RNF32: variants seen among roughly 807,000 people sequenced by gnomAD.
RNF32 encodes the protein ring finger protein 32.
A neutral mutation model predicts 41.0 loss-of-function variants in RNF32; 36 were observed. That is an observed-to-expected ratio of 0.88 (90% CI 0.67 to 1.16). RNF32 has a LOEUF of 1.16. Ranked by LOEUF, RNF32 falls within the 50% of genes most tolerant of loss-of-function variation. The pLI is 0.00. For missense variants in RNF32, 413 were observed against 436.7 expected, an observed-to-expected ratio of 0.95 and a Z score of 0.48; for synonymous variants, 154 against 160.9, an observed-to-expected ratio of 0.96 and a Z score of 0.32.
At chr7:156,651,288 A>G (rs148818849) in intron 3 of RNF32, among the ~76,000 whole-genome samples, 4,394 of 147,702 alleles carry the variant, frequency 0.03, 203 homozygotes, top group East Asian at 0.12. Context: ...ATCTCGGCTC[A>G]CTGCAACCTC....
chr7:156,666,129 A>G (rs1458269876), intron 7 of RNF32, among the ~76,000 whole-genome samples: 1 of 152,208 alleles, frequency 6.6e-6, no homozygotes, highest in African/African-American at 2.4e-5. Flanking sequence ...TAATAGTTTG[A>G]TATTTTTAGA....
intron 1 of RNF32, among the ~76,000 whole-genome samples, chr7:156,642,580 G>A (rs1797496804): frequency 1.3e-5 from 2 of 152,202 alleles, no homozygotes; most frequent in Admixed American, 1.3e-4. Context: ...GTTTTTATTT[G>A]ACAATAATTT....
intron 1 of RNF32, chr7:156,642,854 C>G (rs574723649): frequency 6.6e-6 from 1 of 152,342 alleles, no homozygotes; most frequent in Admixed American, 6.5e-5. Flanking sequence ...GTGGCCCCTG[C>G]TGGGGATCAA....
rs963815270 is a variant in RNF32 at position 156,660,385 on chromosome 7, G to A, written c.684+1815G>A. On this transcript the variant is annotated intron_variant, in intron 7 of 8. Coordinates refer to ENST00000317955, the MANE Select transcript of RNF32 (RefSeq NM_030936.4). ...TTACAAATGTGGTTTTTCCTTTGGG[G>A]CTTTTAAGATGATCTCAGATGATTT... 4.3e-5 allele frequency: 31 copies of A among 721,748 alleles called. No individual in the cohort carries two copies. In the African/African-American group the frequency reaches 6.0e-4, roughly 14 times the overall value. 44.7% of individuals were successfully genotyped at this position (721,748 alleles called of 1,614,324 possible). A position where few individuals can be genotyped will look rare whatever the true frequency, so the allele number is the denominator to read the frequency against.
intron 7 of RNF32, among the ~76,000 whole-genome samples, chr7:156,675,160 A>G (rs1275314308): frequency 6.6e-6 from 1 of 152,252 alleles, no homozygotes; most frequent in Non-Finnish European, 1.5e-5. Flanking sequence ...CGGAGACCCG[A>G]AGAGACAGTA....
intron 7 of RNF32, among the ~76,000 whole-genome samples, chr7:156,675,068 T>A (rs993543767): frequency 1.1e-4 from 17 of 152,190 alleles, no homozygotes; most frequent in Non-Finnish European, 1.2e-4. Flanking sequence ...AAGTCCCATG[T>A]GGTATGGAAG....
intron 7 of RNF32, among the ~76,000 whole-genome samples, chr7:156,666,278 G>A (rs1801327503): frequency 6.6e-6 from 1 of 152,142 alleles, no homozygotes; most frequent in South Asian, 2.1e-4. Flanking sequence ...GTCGAACTTT[G>A]TTCCTACATT....
chr7:156,649,663 T>C (rs548252665), intron 3 of RNF32, among the ~76,000 whole-genome samples: 1 of 152,364 alleles, frequency 6.6e-6, no homozygotes, highest in South Asian at 2.1e-4. Context: ...TGCAACTTTT[T>C]AGATGAGCGT....
rs199567420 is a variant in RNF32 at position 156,676,644 on chromosome 7, C to T, written c.1078C>T (p.Leu360Phe). 8.7e-6 allele frequency: 14 copies of T among 1,613,150 alleles called. No individual in the cohort carries two copies. The African/African-American group carries it at 1.5e-4, about 17-fold the overall frequency. The part of the protein sequence containing the change: ...LCRSCYQKKI[L>F]EC The stretch of plus-strand genomic sequence containing the variant: ...CCGCTCCTGCTACCAGAAGAAGATT[C>T]TTGAATGTTGAATTCATAGTCAAGG... Residue 360 changes from leucine (L) to phenylalanine (F), a missense_variant, in exon 9 of 9, where the codon CTT becomes TTT. By Grantham distance (22) the Leu-to-Phe change is conservative. Coordinates refer to ENST00000317955, the MANE Select transcript of RNF32 (RefSeq NM_030936.4).
chr7:156,647,131 C>G (rs1182344643), intron 3 of RNF32, among the ~76,000 whole-genome samples: 1 of 152,062 alleles, frequency 6.6e-6, no homozygotes, highest in Non-Finnish European at 1.5e-5. Flanking sequence ...GGATTAAAGG[C>G]GTGAGTCACC....
At chr7:156,659,436 T>C (rs1029924313) in intron 7 of RNF32, 3 of 985,558 alleles carry the variant, frequency 3.0e-6, no homozygotes, top group Non-Finnish European at 3.6e-6. Context: ...CCATGCACGA[T>C]TGCGTCATCC....
chr7:156,668,977 C>T (rs563687596), intron 7 of RNF32: 4 of 152,268 alleles, frequency 2.6e-5, no homozygotes, highest in African/African-American at 9.6e-5. Context: ...TTTAATTCCT[C>T]TTAAGGAAGA....
chr7:156,650,225 C>T (rs1798538113), intron 3 of RNF32, among the ~76,000 whole-genome samples: 2 of 152,204 alleles, frequency 1.3e-5, no homozygotes, highest in South Asian at 4.1e-4. Context: ...CTGCCCCGTG[C>T]ATGGACACAA....
intron 3 of RNF32, among the ~76,000 whole-genome samples, chr7:156,648,621 G>A (rs1165970416): frequency 6.6e-6 from 1 of 152,172 alleles, no homozygotes; most frequent in Non-Finnish European, 1.5e-5. Flanking sequence ...AATCTTGATT[G>A]TGCGTATTAG....
In RNF32 at chr7:156,644,688, C is replaced by A; in HGVS notation, c.205C>A (p.Gln69Lys). ...AGATACTGGACTTAAAAAAACTACA[C>A]AGTGCCCCAAACTAGAAGACTCAGA... The part of the protein sequence containing the change: ...IIDTGLKKTT[Q>K]CPKLEDSEKE... The change falls in exon 3 of 9, where the codon CAG becomes AAG. Residue 69 changes from glutamine (Q) to lysine (K), a missense_variant. Physicochemically the swap from Gln to Lys is moderately conservative, Grantham distance 53. Transcript: ENST00000317955. The A allele has an allele frequency of 6.2e-7, 1 of 1,613,294 alleles. No individual in the cohort carries two copies. Among genetic ancestry groups the A allele is most frequent in the Admixed American group, 1.7e-5 (1 of 59,854 alleles).
Position 156,644,587 on chromosome 7 carries a change from C to T in RNF32, c.104C>T (p.Ser35Leu), listed in dbSNP as rs2131338758. ...ILHDLQLRNL[S>L]VADHSKTQVQ... ...CATGATCTTCAACTTCGAAATCTTT[C>T]AGTTGCAGATCATTCTAAGACACAA... Residue 35 changes from serine (S) to leucine (L), a missense_variant, in exon 3 of 9, where the codon TCA (serine) becomes TTA (leucine). Physicochemically the swap from Ser to Leu is moderately radical, Grantham distance 145 (BLOSUM62 -2). Coordinates refer to ENST00000317955, the MANE Select transcript of RNF32 (RefSeq NM_030936.4). 1 of 1,612,674 alleles carries T rather than the reference C, an allele frequency of 6.2e-7. No homozygotes were observed. Among genetic ancestry groups the T allele is most frequent in the Non-Finnish European group, 8.5e-7 (1 of 1,178,832 alleles).
At chr7:156,667,414 CTTAT>C (rs1390352857) in intron 7 of RNF32, among the ~76,000 whole-genome samples, 7 of 152,226 alleles carry the variant, frequency 4.6e-5, no homozygotes, top group African/African-American at 9.6e-5. Flanking sequence ...AACTCAAACT[CTTAT>C]TTAGTTTATC....
rs540253583 is a variant in RNF32 at position 156,644,670 on chromosome 7, G to A, written c.187G>A (p.Gly63Arg). Reference sequence around the variant, plus strand: ...AGATACAAAGGCAATAATAGATACTGGACTTAAAAAAACTACACAGTGCCC... The same window carrying A: ...AGATACAAAGGCAATAATAGATACTAGACTTAAAAAAACTACACAGTGCCC... ...KRDTKAIIDT[G>R]LKKTTQCPKL... Residue 63 changes from glycine to arginine, a missense_variant, in exon 3 of 9, where the codon GGA becomes AGA. Coordinates refer to ENST00000317955, the MANE Select transcript of RNF32 (RefSeq NM_030936.4). 2 of 1,612,562 alleles carry A rather than the reference G, an allele frequency of 1.2e-6. No homozygotes were observed. The highest frequency in any genetic ancestry group is 2.7e-5 in the African/African-American group (2 of 74,892).
Position 156,643,804 on chromosome 7 carries a change from A to C in RNF32, c.-74A>C, listed in dbSNP as rs558993220. 4.0e-5 allele frequency: 55 copies of C among 1,367,074 alleles called. No individual in the cohort carries two copies. The highest frequency in any genetic ancestry group is 4.6e-5 in the Non-Finnish European group (44 of 958,842). 84.7% of individuals were successfully genotyped at this position (1,367,074 alleles called of 1,614,324 possible). A position where few individuals can be genotyped will look rare whatever the true frequency, so the allele number is the denominator to read the frequency against. On this transcript the variant is annotated 5_prime_UTR_variant, in exon 2 of 9. Coordinates refer to ENST00000317955, the MANE Select transcript of RNF32 (RefSeq NM_030936.4). ...TCTGTTGACCACGTCTTTGCAGCAG[A>C]AGAATAGAAGGAAGGTGATAGGATG...
Sources: gnomAD v4.1 joint callset for allele counts (sites outside exome capture counted in the v4.1 genomes callset) on GRCh38, gnomAD v4.1.1 for gene constraint, MANE v1.5 for transcripts, NCBI Gene and HGNC (gene_info 2026-07-23, HGNC 2026-07-21) for gene names.